SORCS2: variants seen among roughly 807,000 people sequenced by gnomAD.
SORCS2 encodes the protein sortilin related VPS10 domain containing receptor 2, also known as VPS10 domain-containing receptor SorCS2.
Under a neutral mutation model 141.6 loss-of-function variants are expected in SORCS2, and 100 were observed. The ratio of observed to expected loss-of-function variants is 0.71; its 90% CI spans 0.60 to 0.83. SORCS2 has a LOEUF of 0.83. Among genes scored for constraint, SORCS2 ranks in the 40% least tolerant of loss-of-function variants. SORCS2 has a pLI of 0.00. For missense variants in SORCS2, 1,646 were observed against 1,560.2 expected (o/e 1.05, Z -0.93); for synonymous variants, 789 against 676.9 (o/e 1.17, Z -2.57).
chr4:7,653,367 C>T (rs547055601), intron 4 of SORCS2, among the ~76,000 whole-genome samples: 2 of 152,310 alleles, frequency 1.3e-5, no homozygotes, highest in Admixed American at 6.5e-5. Flanking sequence ...ACTCAGCCTC[C>T]CGAGTAGCTG....
intron 3 of SORCS2, among the ~76,000 whole-genome samples, chr4:7,588,567 GC>G (rs925464954): frequency 3.3e-5 from 5 of 152,146 alleles, no homozygotes; most frequent in Non-Finnish European, 7.4e-5. Context: ...AGGTTGAAGA[GC>G]CCCCCTCTGA....
chr4:7,502,358 T>C (rs1331310837), intron 2 of SORCS2, among the ~76,000 whole-genome samples: 2 of 152,184 alleles, frequency 1.3e-5, no homozygotes, highest in Non-Finnish European at 2.9e-5. Flanking sequence ...GTGGTCCCCA[T>C]GGGGCTGATT....
chr4:7,625,424 T>C (rs1719454125), intron 3 of SORCS2, among the ~76,000 whole-genome samples: 1 of 151,930 alleles, frequency 6.6e-6, no homozygotes, highest in Non-Finnish European at 1.5e-5. Context: ...TGTAGCATTG[T>C]GAGAATATAA....
At chr4:7,349,391 C>A (rs1720814315) in intron 1 of SORCS2, among the ~76,000 whole-genome samples, 2 of 152,142 alleles carry the variant, frequency 1.3e-5, no homozygotes, top group Non-Finnish European at 2.9e-5. Context: ...CTGCCACTGG[C>A]CCCGTGCCGC....
chr4:7,289,963 T>C (rs1455074132), intron 1 of SORCS2, among the ~76,000 whole-genome samples: 5 of 152,144 alleles, frequency 3.3e-5, no homozygotes. Context: ...CCCCTTCCGA[T>C]TGCCTGAAAA....
At chr4:7,528,088 C>A (rs1268625260) in intron 2 of SORCS2, among the ~76,000 whole-genome samples, 5 of 142,160 alleles carry the variant, frequency 3.5e-5, no homozygotes, top group African/African-American at 1.3e-4. Context: ...CAGCCTGTCA[C>A]CCCCATGATA....
intron 1 of SORCS2, among the ~76,000 whole-genome samples, chr4:7,216,207 G>A (rs1728343660): frequency 6.6e-6 from 1 of 152,178 alleles, no homozygotes; most frequent in Non-Finnish European, 1.5e-5. Context: ...CTTCATTCTT[G>A]AAGTCAGTGA....
At chr4:7,355,005 G>A (rs902076878) in intron 1 of SORCS2, among the ~76,000 whole-genome samples, 1 of 150,564 alleles carries the variant, frequency 6.6e-6, no homozygotes, top group Non-Finnish European at 1.5e-5. Flanking sequence ...TGATAGAAAA[G>A]CACATACATA....
intron 1 of SORCS2, among the ~76,000 whole-genome samples, chr4:7,219,943 A>G (rs935148020): frequency 6.6e-6 from 1 of 152,220 alleles, no homozygotes; most frequent in African/African-American, 2.4e-5. Flanking sequence ...TGATGACTCC[A>G]TGTCGTTGTG....
chr4:7,704,414 CCTTG>C, intron 14 of SORCS2, 130 bp downstream of exon 14: 1 of 814,810 alleles, frequency 1.2e-6, no homozygotes, highest in South Asian at 1.7e-5. Flanking sequence ...CCCCAGGTCC[CCTTG>C]CTGGTGAGGA....
intron 2 of SORCS2, among the ~76,000 whole-genome samples, chr4:7,464,199 G>A (rs1260511094): frequency 6.6e-6 from 1 of 152,150 alleles, no homozygotes; most frequent in African/African-American, 2.4e-5. Flanking sequence ...TCACAGTGCT[G>A]GGATTCAACC....
intron 1 of SORCS2, among the ~76,000 whole-genome samples, chr4:7,323,173 C>T (rs1206939596): frequency 6.6e-6 from 1 of 152,196 alleles, no homozygotes; most frequent in Non-Finnish European, 1.5e-5. Flanking sequence ...ACTTACACTT[C>T]ACTAAGATAA....
chr4:7,420,984 A>G (rs907482616), intron 2 of SORCS2, among the ~76,000 whole-genome samples: 1 of 152,208 alleles, frequency 6.6e-6, no homozygotes, highest in African/African-American at 2.4e-5. Flanking sequence ...CGTGCGTACC[A>G]GCAGATGTTT....
intron 17 of SORCS2, among the ~76,000 whole-genome samples, chr4:7,715,729 G>A (rs777616973): frequency 1.1e-4 from 16 of 152,112 alleles, no homozygotes; most frequent in South Asian, 2.1e-4. Context: ...TCCATTTACC[G>A]GTGCCCAGTA....
intron 1 of SORCS2, among the ~76,000 whole-genome samples, chr4:7,259,388 C>T (rs1219538324): frequency 6.6e-6 from 1 of 152,236 alleles, no homozygotes; most frequent in African/African-American, 2.4e-5. Context: ...TTCTCAAGCA[C>T]AGATAGAATC....
At chr4:7,416,707 C>T (rs956471432) in intron 2 of SORCS2, among the ~76,000 whole-genome samples, 3 of 121,440 alleles carry the variant, frequency 2.5e-5, no homozygotes, top group Non-Finnish European at 5.2e-5. Context: ...CACTCACTCA[C>T]ACTTGTGCAC....
intron 12 of SORCS2, among the ~76,000 whole-genome samples, chr4:7,700,748 A>G (rs1430653365): frequency 2.6e-5 from 4 of 152,172 alleles, no homozygotes; most frequent in African/African-American, 9.6e-5. Context: ...GAGGGAGCAC[A>G]GAGCATTGGG....
At chr4:7,241,632 AC>A (rs1712702464) in intron 1 of SORCS2, among the ~76,000 whole-genome samples, 1 of 152,120 alleles carries the variant, frequency 6.6e-6, no homozygotes, top group Non-Finnish European at 1.5e-5. Flanking sequence ...GCAGTGAGAA[AC>A]AAAAGAATCC....
At chr4:7,372,107 T>C (rs1202984113) in intron 1 of SORCS2, among the ~76,000 whole-genome samples, 2 of 152,126 alleles carry the variant, frequency 1.3e-5, no homozygotes, top group African/African-American at 4.8e-5. Flanking sequence ...TTCCTTTCAT[T>C]GCGGCCCTTG....
Sources: gnomAD v4.1 joint callset for allele counts (sites outside exome capture counted in the v4.1 genomes callset) on GRCh38, gnomAD v4.1.1 for gene constraint, MANE v1.5 for transcripts, NCBI Gene and HGNC (gene_info 2026-07-23, HGNC 2026-07-21) for gene names.